The following CCDC85A variants were observed in gnomAD, a reference collection of about 807,000 sequenced individuals.
The protein encoded by CCDC85A is coiled-coil domain-containing protein 85A.
Under a neutral mutation model 50.2 loss-of-function variants are expected in CCDC85A, and 38 were observed. The observed-to-expected ratio is 0.76, with a 90% CI of 0.58 to 0.99. CCDC85A has a LOEUF of 0.99. Among genes scored for constraint, CCDC85A ranks in the 50% least tolerant of loss-of-function variants. The pLI, the probability that CCDC85A is intolerant of heterozygous loss-of-function variation, is 0.00. For missense variants in CCDC85A, 820 were observed against 742.0 expected (o/e 1.11, Z -1.22); for synonymous variants, 366 against 301.4 (o/e 1.21, Z -2.22).
At chr2:56,253,039 T>A (rs1355699090) in intron 2 of CCDC85A, among the ~76,000 whole-genome samples, 2 of 151,570 alleles carry the variant, frequency 1.3e-5, no homozygotes, top group African/African-American at 4.8e-5. Context: ...AATAAATAAA[T>A]AAATAACAAA....
intron 2 of CCDC85A, among the ~76,000 whole-genome samples, chr2:56,306,885 T>G (rs1371654508): frequency 6.6e-6 from 1 of 152,052 alleles, no homozygotes; most frequent in Non-Finnish European, 1.5e-5. Context: ...CTGATATGAG[T>G]TAATTTTTTT....
At chr2:56,238,245 G>A (rs1270113937) in intron 2 of CCDC85A, among the ~76,000 whole-genome samples, 5 of 151,856 alleles carry the variant, frequency 3.3e-5, no homozygotes, top group East Asian at 1.9e-4. Context: ...GCAAAACCCC[G>A]TCTCTACTAA....
intron 2 of CCDC85A, among the ~76,000 whole-genome samples, chr2:56,333,043 G>T (rs1390101982): frequency 6.6e-6 from 1 of 152,184 alleles, no homozygotes; most frequent in East Asian, 1.9e-4. Context: ...TAACATGATA[G>T]ACAATGTGGA....
At chr2:56,273,312 CG>C (rs1670778582) in intron 2 of CCDC85A, among the ~76,000 whole-genome samples, 1 of 151,930 alleles carries the variant, frequency 6.6e-6, no homozygotes. Flanking sequence ...AACTGAAAGA[CG>C]TGTTTCTAAA....
At chr2:56,373,156 C>G (rs1312789474) in intron 4 of CCDC85A, among the ~76,000 whole-genome samples, 11 of 152,126 alleles carry the variant, frequency 7.2e-5, no homozygotes, top group Admixed American at 5.9e-4. Flanking sequence ...TATTTAACAT[C>G]TGTTGGAAGT....
At chr2:56,295,450 A>T (rs1029285981) in intron 2 of CCDC85A, among the ~76,000 whole-genome samples, 1 of 152,218 alleles carries the variant, frequency 6.6e-6, no homozygotes, top group African/African-American at 2.4e-5. Context: ...TAATATGCTG[A>T]TAGCTTTACA....
intron 2 of CCDC85A, among the ~76,000 whole-genome samples, chr2:56,193,738 G>T (rs1231011965): frequency 6.6e-6 from 1 of 152,118 alleles, no homozygotes; most frequent in Non-Finnish European, 1.5e-5. Context: ...GGGTATTGGT[G>T]ATAAAAAATA....
chr2:56,276,376 G>A (rs1335386701), intron 2 of CCDC85A, among the ~76,000 whole-genome samples: 4 of 151,874 alleles, frequency 2.6e-5, no homozygotes, highest in Admixed American at 6.6e-5. Context: ...TGAGTGATTC[G>A]GTTTGACTGT....
At chr2:56,340,876 CAAAAA>C (rs61603853) in intron 2 of CCDC85A, among the ~76,000 whole-genome samples, 1 of 58,226 alleles carries the variant, frequency 1.7e-5, no homozygotes, top group Non-Finnish European at 3.3e-5. Context: ...AACTCCATCT[CAAAAA>C]AAAAAAAAAA....
In CCDC85A at chr2:56,184,002, G is replaced by A. The variant is rs1232677099; in HGVS notation, c.-623G>A. 3 of 985,464 alleles carry A rather than the reference G, an allele frequency of 3.0e-6. No individual in the cohort carries two copies. Among genetic ancestry groups the A allele is most frequent in the Non-Finnish European group, 3.6e-6 (3 of 830,116 alleles). The allele number at this position is 985,464 out of a possible 1,614,324, so 61.0% of individuals were successfully genotyped here. ...CCACCCTCCACCCCTTCTCGACTCC[G>A]CTCTGCAAATCGAAGGCTTTCCGGA... is the stretch of plus-strand genomic sequence containing the variant. On this transcript the variant is annotated 5_prime_UTR_variant, in exon 1 of 6. Transcript: ENST00000407595.
At chr2:56,375,255 A>G (rs1184844582) in intron 4 of CCDC85A, among the ~76,000 whole-genome samples, 1 of 152,244 alleles carries the variant, frequency 6.6e-6, no homozygotes, top group South Asian at 2.1e-4. Flanking sequence ...TGTAGTTTAT[A>G]TCTATTCTGT....
At chr2:56,240,606 A>G (rs754979422) in intron 2 of CCDC85A, among the ~76,000 whole-genome samples, 2 of 152,130 alleles carry the variant, frequency 1.3e-5, no homozygotes, top group Non-Finnish European at 2.9e-5. Flanking sequence ...GGATTTGCCT[A>G]TTCTGGACAT....
intron 2 of CCDC85A, among the ~76,000 whole-genome samples, chr2:56,271,011 T>G (rs1357826486): frequency 1.3e-5 from 2 of 152,202 alleles, no homozygotes; most frequent in African/African-American, 2.4e-5. Context: ...ATCTCCATTT[T>G]CTAGATCAGG....
intron 2 of CCDC85A, among the ~76,000 whole-genome samples, chr2:56,246,080 A>G (rs535589716): frequency 6.6e-6 from 1 of 152,150 alleles, no homozygotes; most frequent in Non-Finnish European, 1.5e-5. Flanking sequence ...ATGTGCCACC[A>G]TCCCTGGCTA....
At chr2:56,203,364 T>TG in intron 2 of CCDC85A, among the ~76,000 whole-genome samples, 1 of 146,700 alleles carries the variant, frequency 6.8e-6, no homozygotes, top group South Asian at 2.3e-4. Flanking sequence ...TTGAAAATTG[T>TG]GTTTTTTTTT....
At chr2:56,335,339 C>T (rs757347926) in intron 2 of CCDC85A, among the ~76,000 whole-genome samples, 5 of 152,204 alleles carry the variant, frequency 3.3e-5, no homozygotes, top group Middle Eastern at 3.4e-3. Flanking sequence ...ATGCCTTTAG[C>T]GCTTGGGGTT....
intron 2 of CCDC85A, among the ~76,000 whole-genome samples, chr2:56,315,666 C>G (rs570112592): frequency 8.2e-4 from 124 of 152,142 alleles, no homozygotes; most frequent in Middle Eastern, 3.4e-3. Flanking sequence ...CCCTTACAGG[C>G]TGATTTAGTC....
chr2:56,289,654 G>A (rs972601332), intron 2 of CCDC85A, among the ~76,000 whole-genome samples: 2 of 152,250 alleles, frequency 1.3e-5, no homozygotes, highest in East Asian at 3.9e-4. Context: ...ATCTTGAAAA[G>A]ATCTCAGTGG....
intron 2 of CCDC85A, among the ~76,000 whole-genome samples, chr2:56,337,435 T>C (rs1323727500): frequency 6.6e-6 from 1 of 152,222 alleles, no homozygotes; most frequent in Non-Finnish European, 1.5e-5. Context: ...GATTTGATAT[T>C]TGCTTTTCCA....
Sources: allele counts gnomAD v4.1 joint callset (sites outside exome capture counted in the v4.1 genomes callset), GRCh38; gene constraint gnomAD v4.1.1; transcripts MANE v1.5; gene names NCBI Gene and HGNC (gene_info 2026-07-23, HGNC 2026-07-21).